RUNX1T1: variants seen among roughly 807,000 people sequenced by gnomAD.
The protein encoded by RUNX1T1 is protein CBFA2T1.
Under a neutral mutation model 62.8 loss-of-function variants are expected in RUNX1T1, and 4 were observed. The ratio of observed to expected loss-of-function variants is 0.06; its 90% CI spans 0.03 to 0.15. RUNX1T1 has a LOEUF of 0.15. Ranked by LOEUF, RUNX1T1 falls within the 10% of genes least tolerant of loss-of-function variation. The probability of loss-of-function intolerance (pLI) is 1.00; values close to 1 mark genes in which losing one functional copy is unlikely to be tolerated. For synonymous variants in RUNX1T1, 291 were observed against 286.0 expected, an observed-to-expected ratio of 1.02 and a Z score of -0.18; for missense variants, 508 against 754.3, an observed-to-expected ratio of 0.67 and a Z score of 3.82.
At chr8:92,076,201 A>C in intron 1 of RUNX1T1, 64 bp from the exon 2 acceptor site, 1 of 1,289,572 alleles carries the variant, frequency 7.8e-7, no homozygotes, top group Non-Finnish European at 1.0e-6. Context: ...TATCATACCC[A>C]TCTGTTTACA....
At chr8:91,973,586 T>C (rs1046345080) in intron 9 of RUNX1T1, among the ~76,000 whole-genome samples, 2 of 152,078 alleles carry the variant, frequency 1.3e-5, no homozygotes, top group East Asian at 1.9e-4. Flanking sequence ...AATAATTTCA[T>C]TGCAAAGACA....
intron 1 of RUNX1T1, among the ~76,000 whole-genome samples, chr8:92,034,857 AT>A (rs111952463): frequency 7.2e-6 from 1 of 138,224 alleles, no homozygotes; most frequent in Non-Finnish European, 1.6e-5. Flanking sequence ...CCACCCAGCC[AT>A]TAAAAACAAT....
In RUNX1T1 at chr8:91,991,834, G is replaced by A; in HGVS notation, c.715C>T (p.Arg239Ter). ...TGGCCTGGGCTAATAGTGCATGGTC[G>A]CTTGCTTGGATGTTCTGAGTGCAAA... Residue 239 changes from arginine to a stop codon, truncating the protein, a stop_gained, in exon 6 of 11, where the codon CGA becomes TGA. Coordinates refer to ENST00000396218, the Ensembl canonical transcript of RUNX1T1. LOFTEE classifies it high-confidence loss of function. 1 of 1,614,124 alleles carries A rather than the reference G, an allele frequency of 6.2e-7. No homozygotes were observed. The highest frequency in any genetic ancestry group is 8.5e-7 in the Non-Finnish European group (1 of 1,180,006).
At chr8:92,037,796 AAGAGTACCAC>A (rs1400458070) in intron 1 of RUNX1T1, among the ~76,000 whole-genome samples, 3 of 152,230 alleles carry the variant, frequency 2.0e-5, no homozygotes, top group Non-Finnish European at 2.9e-5. Flanking sequence ...GGGAAGACCC[AAGAGTACCAC>A]AAACAGCTCC....
At chr8:92,036,469 A>G (rs28715943) in intron 1 of RUNX1T1, among the ~76,000 whole-genome samples, 4,290 of 152,254 alleles carry the variant, frequency 0.028, 199 homozygotes, top group African/African-American at 0.095. Context: ...AATTTTTGGA[A>G]TGTGATCAAC....
At chr8:92,095,390 C>T in intron 1 of RUNX1T1, 2 of 1,535,572 alleles carry the variant, frequency 1.3e-6, no homozygotes, top group South Asian at 2.4e-5. Flanking sequence ...GCCGAGGCGG[C>T]ACCCAGACCG....
chr8:92,098,061 T>C (rs1837869675), intron 1 of RUNX1T1, among the ~76,000 whole-genome samples: 1 of 152,218 alleles, frequency 6.6e-6, no homozygotes, highest in Non-Finnish European at 1.5e-5. Flanking sequence ...AAGAAGTCCA[T>C]CTGCCCCAGG....
intron 2 of RUNX1T1, among the ~76,000 whole-genome samples, chr8:92,016,545 C>T (rs1355332270): frequency 6.6e-6 from 1 of 152,094 alleles, no homozygotes; most frequent in Non-Finnish European, 1.5e-5. Context: ...CTCAGTGGCG[C>T]ATGACTGTAA....
intron 1 of RUNX1T1, among the ~76,000 whole-genome samples, chr8:92,036,677 C>CT (rs926777371): frequency 1.3e-5 from 2 of 152,138 alleles, no homozygotes; most frequent in Admixed American, 1.3e-4. Context: ...TCTTTATCTC[C>CT]TTTTTTCTAA....
chr8:92,101,782 G>C (rs889494394), upstream of RUNX1T1, among the ~76,000 whole-genome samples: 6 of 152,120 alleles, frequency 3.9e-5, no homozygotes, highest in Non-Finnish European at 8.8e-5. Flanking sequence ...ATGGATCTGA[G>C]CGCCTTGTGC....
intron 1 of RUNX1T1, among the ~76,000 whole-genome samples, chr8:92,029,201 G>C (rs922142938): frequency 2.0e-4 from 30 of 152,198 alleles, no homozygotes; most frequent in Non-Finnish European, 4.4e-4. Flanking sequence ...GGGAAAAAAA[G>C]TACTGTTAGT....
chr8:92,026,107 G>T (rs1396879984), intron 1 of RUNX1T1, among the ~76,000 whole-genome samples: 1 of 152,116 alleles, frequency 6.6e-6, no homozygotes. Flanking sequence ...GTTTTCTGTT[G>T]TTTTGTCTGT....
chr8:92,025,969 CAT>C (rs1468642567), intron 1 of RUNX1T1, among the ~76,000 whole-genome samples: 7 of 152,170 alleles, frequency 4.6e-5, no homozygotes, highest in Non-Finnish European at 1.0e-4. Context: ...AATTTATACA[CAT>C]ATGATCTATG....
At chr8:92,096,206 C>A (rs1391503936) in intron 1 of RUNX1T1, among the ~76,000 whole-genome samples, 1 of 152,224 alleles carries the variant, frequency 6.6e-6, no homozygotes, top group African/African-American at 2.4e-5. Context: ...TGATTGGTAG[C>A]CACAGGTGAC....
At chr8:91,998,552 C>T (rs1586906459) in intron 5 of RUNX1T1, among the ~76,000 whole-genome samples, 1 of 152,296 alleles carries the variant, frequency 6.6e-6, no homozygotes, top group East Asian at 1.9e-4. Flanking sequence ...GATGCCCAGA[C>T]CTTCAAGGAT....
At chr8:92,058,100 G>A (rs1314877870) in intron 1 of RUNX1T1, among the ~76,000 whole-genome samples, 1 of 151,982 alleles carries the variant, frequency 6.6e-6, no homozygotes, top group Non-Finnish European at 1.5e-5. Flanking sequence ...CTACCCCTCT[G>A]GGCTCCTGCA....
At chr8:91,971,427 T>C (rs565897216) in intron 9 of RUNX1T1, among the ~76,000 whole-genome samples, 1 of 152,292 alleles carries the variant, frequency 6.6e-6, no homozygotes, top group Admixed American at 6.5e-5. Context: ...GAATGGATTT[T>C]ACACATAAAC....
At chr8:91,969,968 T>C (rs1812438417) in intron 10 of RUNX1T1, among the ~76,000 whole-genome samples, 1 of 151,950 alleles carries the variant, frequency 6.6e-6, no homozygotes, top group Non-Finnish European at 1.5e-5. Context: ...ATCATGTTGT[T>C]AGATATTGTG....
chr8:91,989,372 T>G (rs561845169), intron 6 of RUNX1T1, among the ~76,000 whole-genome samples: 1 of 152,210 alleles, frequency 6.6e-6, no homozygotes, highest in African/African-American at 2.4e-5. Context: ...TGCCAGACTT[T>G]AGGGATGGTT....
Sources: allele counts gnomAD v4.1 joint callset (sites outside exome capture counted in the v4.1 genomes callset), GRCh38; gene constraint gnomAD v4.1.1; transcripts MANE v1.5; gene names NCBI Gene and HGNC (gene_info 2026-07-23, HGNC 2026-07-21).